SNX29: variants seen among roughly 807,000 people sequenced by gnomAD.
The protein encoded by SNX29 is sorting nexin-29.
Under a neutral mutation model 102.1 loss-of-function variants are expected in SNX29, and 78 were observed. The observed-to-expected ratio is 0.76, with a 90% CI of 0.64 to 0.92. The LOEUF is 0.92. Ranked by LOEUF, SNX29 falls within the 40% of genes least tolerant of loss-of-function variation. The pLI is 0.00. For synonymous variants in SNX29, 580 were observed against 414.5 expected (o/e 1.40, Z -4.85); for missense variants, 1,280 against 1,061.7 (o/e 1.21, Z -2.86).
At chr16:12,077,646 C>G (rs1436258362) in intron 10 of SNX29, among the ~76,000 whole-genome samples, 1 of 152,034 alleles carries the variant, frequency 6.6e-6, no homozygotes, top group South Asian at 2.1e-4. Context: ...TTGAGATGAA[C>G]TGTTGCTCTT....
At chr16:12,449,709 G>A (rs1008691016) in intron 18 of SNX29, among the ~76,000 whole-genome samples, 25 of 152,318 alleles carry the variant, frequency 1.6e-4, no homozygotes, top group African/African-American at 6.0e-4. Context: ...ATCCAGGCCT[G>A]TCTCACTTCA....
chr16:12,212,518 C>T (rs531133356), intron 14 of SNX29, among the ~76,000 whole-genome samples: 3 of 152,306 alleles, frequency 2.0e-5, no homozygotes, highest in East Asian at 1.9e-4. Flanking sequence ...AATCCCAGCC[C>T]TGTCATTTAC....
At chr16:12,508,560 C>A (rs1021100972) in intron 19 of SNX29, among the ~76,000 whole-genome samples, 1 of 152,226 alleles carries the variant, frequency 6.6e-6, no homozygotes, top group Non-Finnish European at 1.5e-5. Flanking sequence ...TCTGGATTTG[C>A]AGCTTCCCTT....
rs192484406 is a variant in SNX29, at chr16:12,065,550, G to A, written c.1244-3507G>A. On this transcript the variant is annotated intron_variant, in intron 9 of 20. Transcript: ENST00000566228. ...CAAGTCTAAAGTTCTATTTCTCCTT[G>A]TCCTCACGTTGGATCTTGGAAGTTG... 6.2e-4 allele frequency among the ~76,000 whole-genome samples: 94 copies of A among 152,282 alleles called. No homozygotes were observed. In the East Asian group the frequency reaches 0.017, roughly 28 times the overall value.
At chr16:12,046,274 T>C (rs1274704717) in intron 5 of SNX29, 110 bp from the exon 6 acceptor site, 49 of 1,042,234 alleles carry the variant, frequency 4.7e-5, no homozygotes, top group Non-Finnish European at 6.7e-5. Flanking sequence ...ATATCCCTCT[T>C]GGGGTGACCA....
intron 20 of SNX29, among the ~76,000 whole-genome samples, chr16:12,555,686 C>T (rs550262118): frequency 5.2e-4 from 79 of 152,080 alleles, no homozygotes; most frequent in African/African-American, 1.8e-3. Context: ...GAGAATAAGC[C>T]TTCCGATACT....
chr16:12,378,237 G>A (rs2082947565), intron 16 of SNX29, among the ~76,000 whole-genome samples: 1 of 152,190 alleles, frequency 6.6e-6, no homozygotes, highest in African/African-American at 2.4e-5. Context: ...TGGTGAGGGT[G>A]TTTCCACTCG....
chr16:12,199,351 G>C (rs560086250), intron 13 of SNX29, among the ~76,000 whole-genome samples: 5 of 152,164 alleles, frequency 3.3e-5, no homozygotes, highest in Non-Finnish European at 7.3e-5. Flanking sequence ...TTCTGAATTT[G>C]TGGACACTGG....
intron 11 of SNX29, among the ~76,000 whole-genome samples, chr16:12,114,303 T>C (rs2053608786): frequency 6.6e-6 from 1 of 152,214 alleles, no homozygotes; most frequent in African/African-American, 2.4e-5. Context: ...TTTTCAGGTC[T>C]ACCCCTGAAG....
chr16:12,477,913 A>G (rs2151821046), intron 19 of SNX29, 54 bp downstream of exon 19: 2 of 1,524,290 alleles, frequency 1.3e-6, no homozygotes, highest in East Asian at 2.3e-5. Flanking sequence ...AAAATGGATT[A>G]TTTATTCTTC....
At chr16:12,003,835 C>T (rs1474000456) in intron 3 of SNX29, among the ~76,000 whole-genome samples, 10 of 151,988 alleles carry the variant, frequency 6.6e-5, no homozygotes, top group East Asian at 1.9e-4. Flanking sequence ...GGTGAAACCC[C>T]GTCTCTACTG....
chr16:12,402,499 C>T (rs1299060614), intron 17 of SNX29, among the ~76,000 whole-genome samples: 1 of 152,206 alleles, frequency 6.6e-6, no homozygotes, highest in Non-Finnish European at 1.5e-5. Context: ...AATGGTGCAG[C>T]ACCGTTTTGA....
chr16:12,055,660 G>T (rs116571444), intron 8 of SNX29, among the ~76,000 whole-genome samples: 1 of 152,148 alleles, frequency 6.6e-6, no homozygotes. Flanking sequence ...CAATCTGCTG[G>T]CAGAATTTCT....
chr16:12,390,238 ATC>A (rs1243308572), intron 16 of SNX29, among the ~76,000 whole-genome samples: 1 of 151,352 alleles, frequency 6.6e-6, no homozygotes, highest in African/African-American at 2.4e-5. Flanking sequence ...CTTGCCTCCC[ATC>A]TCTGCTCTGC....
At chr16:12,063,366 CTTTTTTTT>C (rs369015533) in intron 9 of SNX29, among the ~76,000 whole-genome samples, 28 of 55,398 alleles carry the variant, frequency 5.1e-4, no homozygotes, top group East Asian at 1.5e-3. Context: ...CCTAGTCCAT[CTTTTTTTT>C]TTTTTTTTTT....
rs1233766431 is a variant in SNX29 at position 12,202,116 on chromosome 16, TCTTA to T, written c.1678+2437_1678+2440del. On this transcript the variant is annotated intron_variant, in intron 14 of 20. Transcript: ENST00000566228. ...ACGGCGACTCCACCTAGCAGCAGTC[TCTTA>T]CTTCTGCATTATTACATTCTTGTGT... Among the ~76,000 whole-genome samples the T allele has an allele frequency of 3.9e-5, 6 of 152,308 alleles. No homozygotes were observed. In the East Asian group the frequency reaches 9.6e-4, roughly 24 times the overall value.
chr16:12,362,553 T>A (rs1238377557), intron 16 of SNX29, among the ~76,000 whole-genome samples: 2 of 11,048 alleles, frequency 1.8e-4, no homozygotes, highest in African/African-American at 3.0e-4. Context: ...GCTGCTGCAC[T>A]CCCCCCCCAC....
chr16:12,269,834 T>C (rs549570556), intron 14 of SNX29, among the ~76,000 whole-genome samples: 26 of 128,742 alleles, frequency 2.0e-4, no homozygotes, highest in African/African-American at 6.6e-4. Flanking sequence ...ATCATCATCA[T>C]CACCATCATC....
At chr16:12,543,767 A>G (rs545223287) in intron 20 of SNX29, among the ~76,000 whole-genome samples, 2 of 152,152 alleles carry the variant, frequency 1.3e-5, no homozygotes, top group East Asian at 1.9e-4. Flanking sequence ...TTCCAAGTTT[A>G]TTTTCCAAGA....
Sources: allele counts gnomAD v4.1 joint callset (sites outside exome capture counted in the v4.1 genomes callset), GRCh38; gene constraint gnomAD v4.1.1; transcripts MANE v1.5; gene names NCBI Gene and HGNC (gene_info 2026-07-23, HGNC 2026-07-21).